The following ST8SIA1 variants were observed in gnomAD, a reference collection of about 807,000 sequenced individuals.
ST8SIA1 encodes the protein alpha-N-acetylneuraminide alpha-2,8-sialyltransferase.
Under a neutral mutation model 35.9 loss-of-function variants are expected in ST8SIA1, and 16 were observed. The observed-to-expected ratio is 0.45, with a 90% CI of 0.30 to 0.68. The LOEUF is 0.68. Ranked by LOEUF, ST8SIA1 falls within the 30% of genes least tolerant of loss-of-function variation. The pLI, the probability that ST8SIA1 is intolerant of heterozygous loss-of-function variation, is 0.09. For synonymous variants in ST8SIA1, 170 were observed against 169.6 expected (o/e 1.00, Z -0.02); for missense variants, 383 against 453.6 (o/e 0.84, Z 1.41).
rs187268819 is a variant in ST8SIA1 at position 22,287,328 on chromosome 12, C to G, written c.237-35G>C. ...AAAACAGAGAGAGAGAAAAGAACAG[C>G]AGGTTAAATGAGGAGCAGATTCATT... On this transcript the variant is annotated intron_variant, in intron 1 of 4. Transcript: ENST00000396037. 4 of 1,598,038 alleles carry G rather than the reference C, an allele frequency of 2.5e-6. No homozygotes were observed. The South Asian group carries it at 3.4e-5, about 14-fold the overall frequency.
chr12:22,253,589 A>C (rs1462761160), intron 3 of ST8SIA1, among the ~76,000 whole-genome samples: 1 of 152,136 alleles, frequency 6.6e-6, no homozygotes, highest in Non-Finnish European at 1.5e-5. Context: ...TAGGATATAA[A>C]TCCACTATAG....
chr12:22,225,612 T>A (rs2300722), intron 4 of ST8SIA1, among the ~76,000 whole-genome samples: 118,584 of 152,030 alleles, frequency 0.78, 46,443 homozygotes, highest in South Asian at 0.93. Context: ...GCCACCAACG[T>A]ACAAACTTAT....
chr12:22,315,929 C>A (rs181838289), intron 1 of ST8SIA1, among the ~76,000 whole-genome samples: 51 of 152,110 alleles, frequency 3.4e-4, no homozygotes, highest in Non-Finnish European at 2.1e-4. Context: ...CTATGGCACA[C>A]GTTTACCTGT....
intron 4 of ST8SIA1, among the ~76,000 whole-genome samples, chr12:22,203,677 C>G (rs1297172478): frequency 6.6e-6 from 1 of 152,168 alleles, no homozygotes; most frequent in Non-Finnish European, 1.5e-5. Context: ...TCAACCATAT[C>G]TGGAGCTGGG....
chr12:22,275,151 G>A (rs1220881854), intron 2 of ST8SIA1, among the ~76,000 whole-genome samples: 2 of 152,142 alleles, frequency 1.3e-5, no homozygotes, highest in African/African-American at 4.8e-5. Flanking sequence ...ATCAGATAAG[G>A]ATAGGAAGGG....
chr12:22,213,149 C>T (rs1345413), intron 4 of ST8SIA1, among the ~76,000 whole-genome samples: 31,618 of 151,872 alleles, frequency 0.21, 3,575 homozygotes, highest in South Asian at 0.33. Context: ...CCTATGATTT[C>T]ATTCCCAACC....
At chr12:22,283,012 A>G (rs11837717) in intron 2 of ST8SIA1, among the ~76,000 whole-genome samples, 109 of 152,276 alleles carry the variant, frequency 7.2e-4, no homozygotes, top group African/African-American at 2.6e-3. Context: ...GTGTATTTTC[A>G]TTTTAACAAG....
intron 4 of ST8SIA1, among the ~76,000 whole-genome samples, chr12:22,206,429 G>A (rs903708098): frequency 1.3e-5 from 2 of 152,156 alleles, no homozygotes; most frequent in Non-Finnish European, 2.9e-5. Flanking sequence ...ACACCCAGGT[G>A]GGCTGAACCC....
chr12:22,273,894 C>T (rs777632908), intron 2 of ST8SIA1, among the ~76,000 whole-genome samples: 20 of 152,136 alleles, frequency 1.3e-4, no homozygotes, highest in Non-Finnish European at 2.9e-4. Flanking sequence ...TAAGAGAAGG[C>T]AACTTCAATC....
At chr12:22,234,458 A>G (rs768849012) in intron 4 of ST8SIA1, among the ~76,000 whole-genome samples, 1 of 152,082 alleles carries the variant, frequency 6.6e-6, no homozygotes, top group Non-Finnish European at 1.5e-5. Flanking sequence ...TTTTGCACAC[A>G]TCTTAGTAAC....
chr12:22,230,580 A>G (rs1865408027), intron 4 of ST8SIA1, among the ~76,000 whole-genome samples: 1 of 152,218 alleles, frequency 6.6e-6, no homozygotes, highest in South Asian at 2.1e-4. Context: ...CAGTTAAAGA[A>G]TTATTCTATT....
chr12:22,244,926 C>T (rs1226775639), intron 4 of ST8SIA1, among the ~76,000 whole-genome samples: 1 of 152,076 alleles, frequency 6.6e-6, no homozygotes, highest in African/African-American at 2.4e-5. Context: ...ATAAATATGA[C>T]ATCTGTCATA....
Position 22,254,971 on chromosome 12 carries a change from A to G in ST8SIA1, c.491+309T>C, listed in dbSNP as rs111895124. 8.0e-3 allele frequency among the ~76,000 whole-genome samples: 1,219 copies of G among 152,320 alleles called. 15 individuals carry two copies. Among genetic ancestry groups the G allele is most frequent in the African/African-American group, 0.028 (1,145 of 41,568 alleles). On this transcript the variant is annotated intron_variant, in intron 3 of 4. Transcript: ENST00000396037. ...AGGAAAAGAACAATTTAAAAAGCCAAAATCACCTGACTGTACAATCTAAAA... is the reference window on the plus strand; with the variant it reads ...AGGAAAAGAACAATTTAAAAAGCCAGAATCACCTGACTGTACAATCTAAAA...
chr12:22,258,263 G>A (rs900191034), intron 2 of ST8SIA1, among the ~76,000 whole-genome samples: 1 of 152,108 alleles, frequency 6.6e-6, no homozygotes, highest in African/African-American at 2.4e-5. Context: ...ACGATTTGGA[G>A]TTCAATCTTA....
intron 1 of ST8SIA1, among the ~76,000 whole-genome samples, chr12:22,299,689 T>G (rs958966385): frequency 1.3e-5 from 2 of 152,178 alleles, no homozygotes; most frequent in African/African-American, 4.8e-5. Context: ...ACAATAAAAT[T>G]TTCTTAAGGG....
At chr12:22,286,649 T>A (rs534939443) in intron 2 of ST8SIA1, 2 of 436,750 alleles carry the variant, frequency 4.6e-6, no homozygotes, top group South Asian at 3.6e-5. Context: ...TTTAGACCAC[T>A]TCAAAAGTGG....
At chr12:22,259,420 C>G (rs1865761981) in intron 2 of ST8SIA1, among the ~76,000 whole-genome samples, 1 of 151,858 alleles carries the variant, frequency 6.6e-6, no homozygotes, top group African/African-American at 2.4e-5. Context: ...AACAGCACAC[C>G]AAAGCTTTAC....
intron 2 of ST8SIA1, among the ~76,000 whole-genome samples, chr12:22,256,189 T>C (rs1321143340): frequency 6.6e-6 from 1 of 152,230 alleles, no homozygotes; most frequent in Non-Finnish European, 1.5e-5. Context: ...TGGGTGGGTC[T>C]GTCTAGAGCT....
intron 4 of ST8SIA1, among the ~76,000 whole-genome samples, chr12:22,215,185 G>C (rs892171919): frequency 1.3e-5 from 2 of 152,030 alleles, no homozygotes; most frequent in African/African-American, 4.8e-5. Flanking sequence ...ACAAAAATTT[G>C]CTCAAAAGTG....
Sources: gnomAD v4.1 joint callset for allele counts (sites outside exome capture counted in the v4.1 genomes callset) on GRCh38, gnomAD v4.1.1 for gene constraint, MANE v1.5 for transcripts, NCBI Gene and HGNC (gene_info 2026-07-23, HGNC 2026-07-21) for gene names.